Variants in LMNTD1 observed in about 807,000 individuals in gnomAD.
The protein encoded by LMNTD1 is lamin tail domain containing 1, also known as lamin tail domain-containing protein 1.
Under a neutral mutation model 50.9 loss-of-function variants are expected in LMNTD1, and 35 were observed. The ratio of observed to expected loss-of-function variants is 0.69; its 90% CI spans 0.53 to 0.91. The LOEUF (loss-of-function observed/expected upper bound fraction) is 0.91, where lower values mean the gene tolerates loss of function less well. Among genes scored for constraint, LMNTD1 ranks in the 40% least tolerant of loss-of-function variants. LMNTD1 has a pLI of 0.00. For missense variants in LMNTD1, 470 were observed against 475.5 expected, an observed-to-expected ratio of 0.99 and a Z score of 0.11; for synonymous variants, 153 against 161.9, an observed-to-expected ratio of 0.94 and a Z score of 0.42.
intron 4 of LMNTD1, among the ~76,000 whole-genome samples, chr12:25,536,687 A>G (rs543319804): frequency 2.9e-5 from 4 of 136,526 alleles, no homozygotes; most frequent in South Asian, 2.4e-4. Context: ...ATTAGGGGAG[A>G]AAAAAAAAGC....
At chr12:25,527,304 G>A (rs1318229438) in intron 4 of LMNTD1, among the ~76,000 whole-genome samples, 2 of 149,856 alleles carry the variant, frequency 1.3e-5, no homozygotes, top group African/African-American at 4.9e-5. Context: ...CTCAAAAGTA[G>A]ATCAAGAGAC....
intron 1 of LMNTD1, among the ~76,000 whole-genome samples, chr12:25,603,660 G>A (rs899940779): frequency 4.6e-5 from 7 of 152,002 alleles, no homozygotes; most frequent in Admixed American, 1.3e-4. Context: ...ACAATACAGA[G>A]ACGATTCCTG....
Position 25,480,866 on chromosome 12 carries a change from C to A in LMNTD1, c.*23-4406G>T, listed in dbSNP as rs140105373. Among the ~76,000 whole-genome samples, 33 of 152,300 alleles carry A rather than the reference C, an allele frequency of 2.2e-4. 1 individual carries two copies. The East Asian group carries it at 6.2e-3, about 28-fold the overall frequency. ...GGGTCAACCATGAGGTAAAGATACC[C>A]TATCTCACAGGTGGGCCTGTCTAGC... On this transcript the variant is annotated intron_variant, in intron 9 of 9. Coordinates refer to ENST00000458174, the MANE Select transcript of LMNTD1 (RefSeq NM_001145728.2).
chr12:25,587,362 G>A (rs1207449947), intron 1 of LMNTD1, among the ~76,000 whole-genome samples: 1 of 152,252 alleles, frequency 6.6e-6, no homozygotes, highest in African/African-American at 2.4e-5. Context: ...CATGGTGCCA[G>A]TATCTGCTCT....
intron 9 of LMNTD1, among the ~76,000 whole-genome samples, chr12:25,482,818 T>C (rs1938485995): frequency 6.6e-6 from 1 of 151,934 alleles, no homozygotes. Context: ...CTGTTGACAA[T>C]TAAATTAATT....
chr12:25,549,448 C>T lies in LMNTD1; in HGVS notation c.188G>A (p.Ser63Asn), dbSNP rs1485848572. The change falls in exon 3 of 10, where the codon AGT becomes AAT. Residue 63 changes from serine (S) to asparagine (N), a missense_variant. By Grantham distance (46) the Ser-to-Asn change is conservative. Coordinates refer to ENST00000458174, the MANE Select transcript of LMNTD1 (RefSeq NM_001145728.2). ...CAGATAGTAACCAAGAGGCATTCCA[C>T]TGGAATTTGAAGATGACAATGGCAG... Reference protein sequence around the residue: ...TTLPLSSSNSSGMPLGYYLSS... With the variant: ...TTLPLSSSNSNGMPLGYYLSS... The T allele has an allele frequency of 1.2e-6, 2 of 1,613,176 alleles. No homozygotes were observed. Among genetic ancestry groups the T allele is most frequent in the African/African-American group, 2.7e-5 (2 of 74,858 alleles).
intron 1 of LMNTD1, among the ~76,000 whole-genome samples, chr12:25,574,374 C>G (rs1185036160): frequency 1.3e-5 from 2 of 152,158 alleles, no homozygotes; most frequent in African/African-American, 4.8e-5. Flanking sequence ...GGCCTTTATT[C>G]TGACTGTTCT....
intron 1 of LMNTD1, among the ~76,000 whole-genome samples, chr12:25,567,010 G>T (rs555546873): frequency 4.6e-5 from 7 of 152,180 alleles, no homozygotes; most frequent in Non-Finnish European, 1.0e-4. Flanking sequence ...TATGTCTTTT[G>T]TAAGTGCAGG....
intron 9 of LMNTD1, among the ~76,000 whole-genome samples, chr12:25,495,041 C>A (rs1353402584): frequency 2.6e-5 from 4 of 152,098 alleles, no homozygotes; most frequent in Admixed American, 2.6e-4. Context: ...TGGTTAAGTG[C>A]TAATGTCCCC....
chr12:25,519,505 G>A (rs1295765132), intron 7 of LMNTD1, among the ~76,000 whole-genome samples: 1 of 150,816 alleles, frequency 6.6e-6, no homozygotes, highest in Non-Finnish European at 1.5e-5. Context: ...GCAGAATGGC[G>A]TGAACCGGCA....
chr12:25,553,131 CA>C lies in LMNTD1; in HGVS notation c.-94del. ...AATAATTTCTTTACCAAACTAGTAC[CA>C]GAACCACAATTCTCATGAGGATATG... On this transcript the variant is annotated 5_prime_UTR_variant, in exon 1 of 10. An upstream open reading frame in the 5' UTR gains an earlier in-frame stop. Transcript: ENST00000458174. The C allele has an allele frequency of 2.5e-6, 4 of 1,612,010 alleles. No homozygotes were observed. Among genetic ancestry groups the C allele is most frequent in the Non-Finnish European group, 3.4e-6 (4 of 1,179,820 alleles).
intron 1 of LMNTD1, among the ~76,000 whole-genome samples, chr12:25,612,329 C>CAT (rs1555122415): frequency 5.4e-5 from 1 of 18,664 alleles, no homozygotes; most frequent in African/African-American, 6.6e-5. Context: ...CACACACACA[C>CAT]GCGCTCCCAC....
At chr12:25,633,361 C>T (rs376939649) in intron 1 of LMNTD1, among the ~76,000 whole-genome samples, 1 of 152,116 alleles carries the variant, frequency 6.6e-6, no homozygotes, top group East Asian at 1.9e-4. Flanking sequence ...CATCCAACAA[C>T]CGCAGAACAC....
At chr12:25,525,352 A>T (rs1373761549) in intron 6 of LMNTD1, among the ~76,000 whole-genome samples, 1 of 152,210 alleles carries the variant, frequency 6.6e-6, no homozygotes, top group Non-Finnish European at 1.5e-5. Flanking sequence ...CTTTCATTAG[A>T]ATATTAGTTC....
chr12:25,477,353 G>C (rs1938303498), intron 9 of LMNTD1, among the ~76,000 whole-genome samples: 1 of 151,992 alleles, frequency 6.6e-6, no homozygotes. Context: ...GAAGAAATAA[G>C]AGGAAAAGAG....
chr12:25,523,073 G>A (rs897418754), intron 6 of LMNTD1, among the ~76,000 whole-genome samples: 2 of 151,386 alleles, frequency 1.3e-5, no homozygotes, highest in African/African-American at 2.4e-5. Flanking sequence ...CTTACTCTTC[G>A]CCCAGGCTGG....
intron 9 of LMNTD1, among the ~76,000 whole-genome samples, chr12:25,498,733 A>C (rs1350712241): frequency 6.6e-6 from 1 of 152,210 alleles, no homozygotes; most frequent in African/African-American, 2.4e-5. Context: ...TTCTTTCAGA[A>C]ATGGTGACAG....
At chr12:25,635,888 A>G (rs1024760882) in intron 1 of LMNTD1, among the ~76,000 whole-genome samples, 7 of 152,218 alleles carry the variant, frequency 4.6e-5, no homozygotes, top group African/African-American at 1.7e-4. Context: ...TGGAGAAAGG[A>G]CACCCTTTTC....
At chr12:25,542,602 GGGAGATATACCTA>G (rs1214351194) in intron 4 of LMNTD1, among the ~76,000 whole-genome samples, 2 of 150,992 alleles carry the variant, frequency 1.3e-5, no homozygotes, top group Admixed American at 1.3e-4. Flanking sequence ...GGAAAGCACT[GGGAGATATACCTA>G]ATGCTAGATG....
Sources: gnomAD v4.1 joint callset for allele counts (sites outside exome capture counted in the v4.1 genomes callset) on GRCh38, gnomAD v4.1.1 for gene constraint, MANE v1.5 for transcripts, NCBI Gene and HGNC (gene_info 2026-07-23, HGNC 2026-07-21) for gene names.